Variants in SCN2A observed in about 807,000 individuals in gnomAD.
The protein encoded by SCN2A is sodium voltage-gated channel alpha subunit 2.
A neutral mutation model predicts 188.7 loss-of-function variants in SCN2A; 20 were observed. That is an observed-to-expected ratio of 0.11 (90% confidence interval 0.07 to 0.15). The LOEUF (loss-of-function observed/expected upper bound fraction) is 0.15, where lower values mean the gene tolerates loss of function less well. SCN2A is among the 10% of genes least tolerant of loss of function. The pLI is 1.00. For synonymous variants in SCN2A, 804 were observed against 833.1 expected (o/e 0.97, Z 0.60); for missense variants, 1,278 against 2,445.0 (o/e 0.52, Z 10.07).
intron 1 of SCN2A, among the ~76,000 whole-genome samples, chr2:165,278,759 C>T (rs1695457575): frequency 2.0e-5 from 3 of 152,046 alleles, no homozygotes; most frequent in Non-Finnish European, 1.5e-5. Context: ...AGTAAAACCC[C>T]ATCTCTACAA....
chr2:165,358,369 T>C (rs900118059), intron 17 of SCN2A, among the ~76,000 whole-genome samples: 7 of 152,166 alleles, frequency 4.6e-5, no homozygotes, highest in Non-Finnish European at 8.8e-5. Context: ...GATGTTTTAA[T>C]GTGATAATAA....
At chr2:165,367,446 C>A (rs941559413) in intron 19 of SCN2A, 75 bp downstream of exon 19, 1 of 1,470,442 alleles carries the variant, frequency 6.8e-7, no homozygotes, top group Non-Finnish European at 9.5e-7. Context: ...ACTCATATTA[C>A]CCACTTTTAA....
chr2:165,250,939 A>G (rs1694062748), intron 1 of SCN2A, among the ~76,000 whole-genome samples: 1 of 152,096 alleles, frequency 6.6e-6, no homozygotes, highest in Non-Finnish European at 1.5e-5. Context: ...ACTCAACCAA[A>G]AAAATCTGCT....
chr2:165,284,290 C>G (rs13411903), intron 1 of SCN2A, among the ~76,000 whole-genome samples: 22,498 of 151,990 alleles, frequency 0.15, 1,858 homozygotes, highest in Middle Eastern at 0.21. Context: ...CCTGCCTCAG[C>G]CTCCCTAGTA....
At chr2:165,375,063 T>C (rs764295278) in intron 22 of SCN2A, 97 bp downstream of exon 22, 16 of 1,039,894 alleles carry the variant, frequency 1.5e-5, no homozygotes, top group Non-Finnish European at 2.3e-5. Flanking sequence ...AGAATGGCTA[T>C]TATCAAACAG....
chr2:165,359,842 G>A (rs1252037304), intron 17 of SCN2A, among the ~76,000 whole-genome samples: 2 of 151,854 alleles, frequency 1.3e-5, no homozygotes, highest in African/African-American at 4.8e-5. Context: ...TGAGCAGTAG[G>A]ACATCATGAC....
At chr2:165,289,197 T>C (rs1017146324) in intron 1 of SCN2A, among the ~76,000 whole-genome samples, 7 of 152,142 alleles carry the variant, frequency 4.6e-5, no homozygotes, top group African/African-American at 7.2e-5. Flanking sequence ...TAGAAAAAAA[T>C]TGTGGTACAA....
intron 1 of SCN2A, among the ~76,000 whole-genome samples, chr2:165,252,417 G>T (rs1278193228): frequency 6.6e-6 from 1 of 151,820 alleles, no homozygotes; most frequent in Non-Finnish European, 1.5e-5. Flanking sequence ...AATTTAAGAT[G>T]AACAAAACAC....
chr2:165,300,239 C>T (rs935311710), intron 3 of SCN2A, among the ~76,000 whole-genome samples: 2 of 152,096 alleles, frequency 1.3e-5, no homozygotes, highest in African/African-American at 4.8e-5. Context: ...ATTTATTTTG[C>T]ATTTGTTACT....
intron 14 of SCN2A, among the ~76,000 whole-genome samples, chr2:165,336,358 GA>G (rs1445391373): frequency 6.6e-6 from 1 of 151,796 alleles, no homozygotes; most frequent in African/African-American, 2.4e-5. Context: ...ATCACTTGAT[GA>G]ATGGATAAAC....
At chr2:165,347,663 G>C (rs1242468623) in intron 16 of SCN2A, among the ~76,000 whole-genome samples, 1 of 152,130 alleles carries the variant, frequency 6.6e-6, no homozygotes, top group Non-Finnish European at 1.5e-5. Context: ...AGTTGGGAAG[G>C]CATGGGAAGA....
chr2:165,370,772 C>G (rs1243188995), intron 20 of SCN2A: 1 of 160,192 alleles, frequency 6.2e-6, no homozygotes, highest in East Asian at 1.7e-4. Context: ...GATATAGAAG[C>G]AAATTGGCTA....
chr2:165,343,726 T>C (rs1167732327), intron 15 of SCN2A, among the ~76,000 whole-genome samples: 1 of 152,130 alleles, frequency 6.6e-6, no homozygotes, highest in Non-Finnish European at 1.5e-5. Context: ...ATACAACCAA[T>C]ATGTCAAACA....
At chr2:165,337,078 G>A (rs1699042453) in intron 14 of SCN2A, among the ~76,000 whole-genome samples, 1 of 151,872 alleles carries the variant, frequency 6.6e-6, no homozygotes, top group South Asian at 2.1e-4. Flanking sequence ...GGAAAAAAAG[G>A]GGTCATAAGG....
Position 165,341,248 on chromosome 2 carries a change from C to T in SCN2A, c.2389-1048C>T, listed in dbSNP as rs141288751. On this transcript the variant is annotated intron_variant, in intron 14 of 26. Transcript: ENST00000375437. ...AGCTAAGACTACAGGCGCCCGCCACCGCGCCCGGCTAATTTTTTGTATTTT... is the reference window on the plus strand; with the variant it reads ...AGCTAAGACTACAGGCGCCCGCCACTGCGCCCGGCTAATTTTTTGTATTTT... 7.5e-3 allele frequency among the ~76,000 whole-genome samples: 1,146 copies of T among 152,238 alleles called. 23 individuals are homozygous for T. Among genetic ancestry groups the T allele is most frequent in the African/African-American group, 0.025 (1,057 of 41,534 alleles).
intron 1 of SCN2A, among the ~76,000 whole-genome samples, chr2:165,292,715 T>C (rs1696284115): frequency 1.3e-5 from 2 of 152,366 alleles, no homozygotes; most frequent in African/African-American, 2.4e-5. Flanking sequence ...CTTTTTATGA[T>C]TGAGTAATGA....
At chr2:165,341,358 G>T (rs1394053107) in intron 14 of SCN2A, among the ~76,000 whole-genome samples, 1 of 152,190 alleles carries the variant, frequency 6.6e-6, no homozygotes, top group South Asian at 2.1e-4. Context: ...CTCCCAAAGT[G>T]CTGGGATTAC....
chr2:165,385,151 A>G (rs1458591197), intron 25 of SCN2A, among the ~76,000 whole-genome samples: 1 of 152,176 alleles, frequency 6.6e-6, no homozygotes, highest in African/African-American at 2.4e-5. Flanking sequence ...CATTGGAAGT[A>G]ATAGAAGCCT....
At chr2:165,296,858 GA>G (rs139906774) in intron 2 of SCN2A, 158 bp from the exon 3 acceptor site, 35 of 465,784 alleles carry the variant, frequency 7.5e-5, no homozygotes, top group South Asian at 2.7e-4. Context: ...ATAGTGCTCA[GA>G]AAAAAAAAGC....
Sources: gnomAD v4.1 joint callset for allele counts (sites outside exome capture counted in the v4.1 genomes callset) on GRCh38, gnomAD v4.1.1 for gene constraint, MANE v1.5 for transcripts, NCBI Gene and HGNC (gene_info 2026-07-23, HGNC 2026-07-21) for gene names.